The following CCDC138 variants were observed in gnomAD, a reference collection of about 807,000 sequenced individuals.
CCDC138 encodes the protein coiled-coil domain-containing protein 138.
CCDC138 carries 66 observed loss-of-function variants against 82.3 expected under a neutral mutation model. The ratio of observed to expected loss-of-function variants is 0.80; its 90% CI spans 0.66 to 0.98. The LOEUF (loss-of-function observed/expected upper bound fraction) is 0.98. Among genes scored for constraint, CCDC138 ranks in the 50% least tolerant of loss-of-function variants. CCDC138 has a pLI of 0.00. For synonymous variants in CCDC138, 297 were observed against 265.4 expected, an observed-to-expected ratio of 1.12 and a Z score of -1.16; for missense variants, 816 against 758.9, an observed-to-expected ratio of 1.08 and a Z score of -0.88.
At chr2:108,787,393 C>T (rs1451275967) in intron 1 of CCDC138, among the ~76,000 whole-genome samples, 1 of 152,148 alleles carries the variant, frequency 6.6e-6, no homozygotes, top group African/African-American at 2.4e-5. Context: ...CATTTTTTCC[C>T]TTTGAACTAT....
chr2:108,803,093 A>G (rs942766119), intron 6 of CCDC138, among the ~76,000 whole-genome samples: 4 of 152,156 alleles, frequency 2.6e-5, no homozygotes, highest in Admixed American at 1.3e-4. Flanking sequence ...GCATTTCTCA[A>G]AGCTTTTGCT....
rs1693395385 is a variant in CCDC138, at chr2:108,860,543, G to A, written c.1693+3573G>A. On this transcript the variant is annotated intron_variant, in intron 13 of 14. Transcript: ENST00000295124. ...TTTTTTTTTATCCTAAAGAGATGTT[G>A]GATTTTATCTCATGTTTTTTCTGCA... Among the ~76,000 whole-genome samples, 12 of 150,534 alleles carry A rather than the reference G, an allele frequency of 8.0e-5. No individual in the cohort carries two copies. In the South Asian group the frequency reaches 2.5e-3, roughly 32 times the overall value.
chr2:108,846,986 T>C (rs1690614079), intron 12 of CCDC138, 56 bp downstream of exon 12: 1 of 939,360 alleles, frequency 1.1e-6, no homozygotes. Context: ...GAATATCATA[T>C]ATTAAAGCAA....
At chr2:108,885,395 A>T (rs900362224) in exon 3 of CCDC138, 1 of 152,180 alleles carries the variant, frequency 6.6e-6, no homozygotes, top group East Asian at 1.9e-4. Context: ...AATGACTTTA[A>T]CTTCTTTGAT....
intron 13 of CCDC138, among the ~76,000 whole-genome samples, chr2:108,858,985 A>G (rs1293450613): frequency 6.6e-6 from 1 of 152,174 alleles, no homozygotes; most frequent in African/African-American, 2.4e-5. Flanking sequence ...AATAAGCATG[A>G]GAGTGCAGGT....
chr2:108,831,527 A>C (rs1254700469), intron 10 of CCDC138, among the ~76,000 whole-genome samples: 4 of 152,218 alleles, frequency 2.6e-5, no homozygotes, highest in Non-Finnish European at 5.9e-5. Context: ...GAAAATATGA[A>C]ATGGCTAGGA....
At chr2:108,805,338 A>G (rs569492758) in intron 7 of CCDC138, among the ~76,000 whole-genome samples, 16 of 152,242 alleles carry the variant, frequency 1.1e-4, no homozygotes, top group South Asian at 1.0e-3. Context: ...TTGAGTATCT[A>G]TTATATCCTA....
intron 10 of CCDC138, among the ~76,000 whole-genome samples, chr2:108,820,618 G>A (rs1351308830): frequency 6.6e-6 from 1 of 151,836 alleles, no homozygotes. Flanking sequence ...TCACGTTCAA[G>A]GGAGTTCTAT....
chr2:108,792,376 CGGGACTT>C (rs1299632043), intron 4 of CCDC138, among the ~76,000 whole-genome samples: 1 of 152,174 alleles, frequency 6.6e-6, no homozygotes, highest in East Asian at 1.9e-4. Context: ...ATAATTCTGT[CGGGACTT>C]GAGTTTCCTG....
At chr2:108,879,728 G>C (rs1369212983), downstream of CCDC138, among the ~76,000 whole-genome samples, 1 of 152,112 alleles carries the variant, frequency 6.6e-6, no homozygotes, top group East Asian at 1.9e-4. Flanking sequence ...AGGGAGATCT[G>C]AGTGACTAAG....
rs373028320 is a variant in CCDC138 at position 108,789,026 on chromosome 2, G to A, written c.266+60G>A. On this transcript the variant is annotated intron_variant, in intron 3 of 14. Transcript: ENST00000295124. ...CTCAGTATCTCAAAAAACTGAGAAA[G>A]AGAAAAGGGCAGGTTATATTTTTGC... 8.3e-4 allele frequency: 1,308 copies of A among 1,576,636 alleles called. 20 individuals carry two copies. The South Asian group carries it at 0.012, about 15-fold the overall frequency.
At chr2:108,798,367 G>T in intron 5 of CCDC138, 61 bp from the exon 6 acceptor site, 1 of 1,560,268 alleles carries the variant, frequency 6.4e-7, no homozygotes, top group South Asian at 1.2e-5. Flanking sequence ...CAGCCAATAG[G>T]AATATAATTT....
At chr2:108,811,243 C>A (rs1226284638) in intron 7 of CCDC138, among the ~76,000 whole-genome samples, 1 of 28,700 alleles carries the variant, frequency 3.5e-5, no homozygotes. Context: ...TTCTTTCTCT[C>A]TCTCTTTTTT....
chr2:108,853,482 TGTA>T (rs1691876603), intron 12 of CCDC138, among the ~76,000 whole-genome samples: 1 of 152,006 alleles, frequency 6.6e-6, no homozygotes, highest in African/African-American at 2.4e-5. Flanking sequence ...TAAAAGAAGT[TGTA>T]GGAACTTTAT....
At chr2:108,807,987 A>G (rs1470924057) in intron 7 of CCDC138, among the ~76,000 whole-genome samples, 2 of 152,168 alleles carry the variant, frequency 1.3e-5, no homozygotes, top group African/African-American at 4.8e-5. Context: ...CCCAACCTCT[A>G]GTAACCAATA....
At chr2:108,883,224 C>T (rs1696339921) in intron 2 of CCDC138, 1 of 152,080 alleles carries the variant, frequency 6.6e-6, no homozygotes, top group Admixed American at 6.6e-5. Context: ...TATACAAATC[C>T]CTGAAAATAT....
chr2:108,852,763 G>A (rs542376662), intron 12 of CCDC138, among the ~76,000 whole-genome samples: 2 of 152,194 alleles, frequency 1.3e-5, no homozygotes, highest in African/African-American at 4.8e-5. Flanking sequence ...GGTGGGAGGA[G>A]GGACAGGATC....
At position 108,812,947 on chromosome 2, in the gene CCDC138, T is replaced by C; in HGVS notation, c.1041+20T>C. The C allele has an allele frequency of 2.5e-6, 4 of 1,609,372 alleles. No homozygotes were observed. The highest frequency in any genetic ancestry group is 3.4e-6 in the Non-Finnish European group (4 of 1,176,924). On this transcript the variant is annotated intron_variant, in intron 9 of 14. Transcript: ENST00000295124. ...TACAAGGTAAGTTTGAATTATGATTTGATATGATTGAAAATTTCTCGGCTG... is the reference window on the plus strand; with the variant it reads ...TACAAGGTAAGTTTGAATTATGATTCGATATGATTGAAAATTTCTCGGCTG...
At chr2:108,829,764 T>C (rs1687238041) in intron 10 of CCDC138, among the ~76,000 whole-genome samples, 1 of 152,116 alleles carries the variant, frequency 6.6e-6, no homozygotes. Flanking sequence ...TATGTACATA[T>C]ATACATACGT....
Sources: allele counts gnomAD v4.1 joint callset (sites outside exome capture counted in the v4.1 genomes callset), GRCh38; gene constraint gnomAD v4.1.1; transcripts MANE v1.5; gene names NCBI Gene and HGNC (gene_info 2026-07-23, HGNC 2026-07-21).